The following CPS1 variants were observed in gnomAD, a reference collection of about 807,000 sequenced individuals.
CPS1 encodes carbamoyl-phosphate synthase [ammonia], mitochondrial.
In CPS1, 109 loss-of-function variants were observed where a neutral mutation model predicts 174.6. That is an observed-to-expected ratio of 0.62 (90% CI 0.53 to 0.73). The LOEUF is 0.73. Among genes scored for constraint, CPS1 ranks in the 30% least tolerant of loss-of-function variants. CPS1 has a pLI of 0.00. For synonymous variants in CPS1, 637 were observed against 632.0 expected (o/e 1.01, Z -0.12); for missense variants, 1,689 against 1,821.9 (o/e 0.93, Z 1.33).
chr2:210,590,721 A>T, intron 8 of CPS1, 79 bp from the exon 9 acceptor site: 2 of 1,040,826 alleles, frequency 1.9e-6, no homozygotes, highest in Non-Finnish European at 3.0e-6. Flanking sequence ...AGAAAAAAGG[A>T]TACCTCATTT....
chr2:210,541,728 G>A (rs746200740), intron 1 of CPS1, among the ~76,000 whole-genome samples: 1 of 152,136 alleles, frequency 6.6e-6, no homozygotes, highest in Non-Finnish European at 1.5e-5. Flanking sequence ...AGGGAAAAAT[G>A]GGAAAATATT....
rs766455136 is a variant in CPS1 at position 210,640,017 on chromosome 2, G to C, written c.2917G>C (p.Asp973His). Residue 973 changes from aspartate to histidine, a missense_variant, in exon 24 of 38, where the codon GAC (aspartate) becomes CAC (histidine). Transcript: ENST00000233072. ...TCAGGAGCATGATGTCAATTTTGATGACCATGGAATGATGGTGCTAGGCTG... is the reference window on the plus strand; with the variant it reads ...TCAGGAGCATGATGTCAATTTTGATCACCATGGAATGATGGTGCTAGGCTG... ...NGQEHDVNFD[D>H]HGMMVLGCGP... 6.2e-7 allele frequency: 1 copy of C among 1,611,426 alleles called. No individual in the cohort carries two copies. The highest frequency in any genetic ancestry group is 1.1e-5 in the South Asian group (1 of 91,004).
chr2:210,663,153 G>GA lies in CPS1; in HGVS notation c.3959dup (p.Asp1320GlufsTer3). On this transcript the variant is annotated frameshift_variant, in exon 33 of 38. Coordinates refer to ENST00000233072, the MANE Select transcript of CPS1 (RefSeq NM_001875.5). LOFTEE classifies it high-confidence loss of function. Reference sequence around the variant, plus strand: ...CATGTTTTCCTGGCCCCGGTTGAGGGATGCTGACCCCATTCTGAGATGTGA... The same window carrying GA: ...CATGTTTTCCTGGCCCCGGTTGAGGGAATGCTGACCCCATTCTGAGATGTGA... The GA allele has an allele frequency of 6.2e-7, 1 of 1,613,630 alleles. No individual in the cohort carries two copies. The highest frequency in any genetic ancestry group is 8.5e-7 in the Non-Finnish European group (1 of 1,179,960).
chr2:210,536,938 T>C (rs1046701697), intron 1 of CPS1, among the ~76,000 whole-genome samples: 1 of 152,226 alleles, frequency 6.6e-6, no homozygotes, highest in South Asian at 2.1e-4. Flanking sequence ...GTGATTTCAC[T>C]GTTTCACATG....
In CPS1 at chr2:210,510,672, TCAAA is replaced by T. The variant is rs537277415; in HGVS notation, c.3+32911_3+32914del. ...CTAATATCCAGAATCTACAAAGAAC[TCAAA>T]CAAATTTACAAGAAAAAAACAACCC... On this transcript the variant is annotated intron_variant, in intron 1 of 38. Coordinates refer to the CPS1 transcript ENST00000430249. 6.7e-4 allele frequency among the ~76,000 whole-genome samples: 102 copies of T among 151,970 alleles called. No individual in the cohort carries two copies. The South Asian group carries it at 0.02, about 29-fold the overall frequency.
chr2:210,597,849 TAC>T (rs1196967115), intron 13 of CPS1, among the ~76,000 whole-genome samples: 2 of 151,350 alleles, frequency 1.3e-5, no homozygotes, highest in East Asian at 2.0e-4. Flanking sequence ...CACACAAACA[TAC>T]ACACACACAT....
intron 3 of CPS1, chr2:210,577,038 A>C (rs2106080862): frequency 3.5e-6 from 1 of 283,976 alleles, no homozygotes; most frequent in South Asian, 3.9e-5. Flanking sequence ...CATTTAACTT[A>C]GTTTTCACTA....
chr2:210,532,011 G>A (rs1241298311), intron 1 of CPS1, among the ~76,000 whole-genome samples: 4 of 152,126 alleles, frequency 2.6e-5, no homozygotes, highest in Non-Finnish European at 5.9e-5. Flanking sequence ...TTCCAAGGAT[G>A]TGGAGTACTG....
chr2:210,650,266 C>T lies in CPS1; in HGVS notation c.3405-97C>T, dbSNP rs62203740. 9.4e-3 allele frequency: 9,303 copies of T among 990,752 alleles called. 62 individuals carry two copies. Among genetic ancestry groups the T allele is most frequent in the Middle Eastern group, 0.014 (70 of 4,830 alleles). The allele number at this position is 990,752 out of a possible 1,614,324, so 61.4% of individuals were successfully genotyped here. A position where few individuals can be genotyped will look rare whatever the true frequency, so the allele number is the denominator to read the frequency against. On this transcript the variant is annotated intron_variant, in intron 27 of 37. Transcript: ENST00000233072. ...CAAGAGGCACCTTCTTATTCAGCCCCGACTGGAACTATAGGTTGTCTGGAA... is the reference window on the plus strand; with the variant it reads ...CAAGAGGCACCTTCTTATTCAGCCCTGACTGGAACTATAGGTTGTCTGGAA...
At chr2:210,559,427 C>A (rs969406402) in intron 1 of CPS1, among the ~76,000 whole-genome samples, 1 of 152,028 alleles carries the variant, frequency 6.6e-6, no homozygotes, top group East Asian at 1.9e-4. Context: ...TGTGGCCCTT[C>A]CCTGGGTATT....
At position 210,530,776 on chromosome 2, in the gene CPS1, A is replaced by G. The variant is rs1331649556; in HGVS notation, c.4-25943A>G. Among the ~76,000 whole-genome samples the G allele has an allele frequency of 6.4e-4, 97 of 151,874 alleles. 1 individual carries two copies. Among genetic ancestry groups the G allele is most frequent in the Non-Finnish European group, 1.0e-4 (7 of 67,942 alleles). On this transcript the variant is annotated intron_variant, in intron 1 of 38. Transcript: ENST00000430249. The stretch of plus-strand genomic sequence containing the variant: ...CTCTATTTCTGTTATGCATGTAGCT[A>G]ACCACCACCTACTTCAGGATCAACT...
intron 19 of CPS1, among the ~76,000 whole-genome samples, chr2:210,610,304 A>C (rs1421081625): frequency 6.6e-6 from 1 of 151,958 alleles, no homozygotes; most frequent in Non-Finnish European, 1.5e-5. Context: ...TTGTCAAACA[A>C]AAAATAAAAG....
At chr2:210,506,950 T>C (rs1695304455) in intron 1 of CPS1, among the ~76,000 whole-genome samples, 1 of 152,182 alleles carries the variant, frequency 6.6e-6, no homozygotes, top group Non-Finnish European at 1.5e-5. Context: ...TGGAAAACAC[T>C]CTGCAGGATA....
intron 30 of CPS1, among the ~76,000 whole-genome samples, chr2:210,657,183 T>G (rs768019580): frequency 6.6e-6 from 1 of 151,990 alleles, no homozygotes; most frequent in Admixed American, 6.6e-5. Flanking sequence ...TGACTTCACC[T>G]CCAAACAGCA....
rs551546845 is a variant in CPS1 at position 210,486,613 on chromosome 2, C to T, written c.3+8847C>T. 2.6e-5 allele frequency among the ~76,000 whole-genome samples: 4 copies of T among 152,250 alleles called. No homozygotes were observed. The South Asian group carries it at 6.2e-4, about 24-fold the overall frequency. On this transcript the variant is annotated intron_variant, in intron 1 of 38. Transcript: ENST00000430249. Reference sequence around the variant, plus strand: ...GCAACCTCCGCCTCCTGGGTTCAAGCGATTCTCCTGCCTCAGCCTCCTAAG... The same window carrying T: ...GCAACCTCCGCCTCCTGGGTTCAAGTGATTCTCCTGCCTCAGCCTCCTAAG...
chr2:210,486,973 A>G (rs76485563), intron 1 of CPS1, among the ~76,000 whole-genome samples: 1,667 of 142,906 alleles, frequency 0.012, 20 homozygotes, highest in African/African-American at 0.044. Flanking sequence ...TAAAAACAGG[A>G]CCCATGCCTT....
At chr2:210,524,496 G>A (rs1026492656) in intron 1 of CPS1, among the ~76,000 whole-genome samples, 1 of 151,948 alleles carries the variant, frequency 6.6e-6, no homozygotes, top group Non-Finnish European at 1.5e-5. Flanking sequence ...CTATAATTAA[G>A]TAGTGGATAT....
intron 21 of CPS1, among the ~76,000 whole-genome samples, chr2:210,633,167 T>C (rs1248625787): frequency 6.6e-6 from 1 of 152,204 alleles, no homozygotes; most frequent in East Asian, 1.9e-4. Flanking sequence ...CTGTTGCTCT[T>C]CTCAGACATT....
chr2:210,621,964 T>C (rs911971907), intron 21 of CPS1, among the ~76,000 whole-genome samples: 1 of 152,146 alleles, frequency 6.6e-6, no homozygotes. Context: ...ATTTTATTGA[T>C]AGTAAACTGA....
Sources: gnomAD v4.1 joint callset for allele counts (sites outside exome capture counted in the v4.1 genomes callset) on GRCh38, gnomAD v4.1.1 for gene constraint, MANE v1.5 for transcripts, NCBI Gene and HGNC (gene_info 2026-07-23, HGNC 2026-07-21) for gene names.